LRRC4C: variants seen among roughly 807,000 people sequenced by gnomAD.
LRRC4C encodes the protein leucine-rich repeat-containing protein 4C.
LRRC4C carries 5 observed loss-of-function variants against 33.6 expected under a neutral mutation model. The observed-to-expected ratio is 0.15, with a 90% CI of 0.08 to 0.31. The LOEUF is 0.31. LRRC4C is among the 10% of genes least tolerant of loss of function. The probability of loss-of-function intolerance (pLI) is 1.00; values close to 1 mark genes in which losing one functional copy is unlikely to be tolerated. For synonymous variants in LRRC4C, 329 were observed against 302.0 expected (o/e 1.09, Z -0.93); for missense variants, 560 against 796.7 (o/e 0.70, Z 3.58).
At chr11:41,225,061 G>A (rs1947469244) in intron 1 of LRRC4C, among the ~76,000 whole-genome samples, 1 of 152,080 alleles carries the variant, frequency 6.6e-6, no homozygotes, top group African/African-American at 2.4e-5. Flanking sequence ...ATTTATCTGT[G>A]GGATCTACAA....
chr11:40,705,722 C>T (rs190841884), intron 2 of LRRC4C, among the ~76,000 whole-genome samples: 77 of 152,024 alleles, frequency 5.1e-4, no homozygotes, highest in Non-Finnish European at 9.1e-4. Context: ...GTATATACCA[C>T]GTAATGGGAT....
chr11:40,116,387 G>T (rs1855435252), intron 6 of LRRC4C, 53 bp from the exon 7 acceptor site: 5 of 1,491,698 alleles, frequency 3.4e-6, no homozygotes, highest in Non-Finnish European at 4.5e-6. Flanking sequence ...TATTCTAAGT[G>T]TCTTTCTGGA....
intron 1 of LRRC4C, among the ~76,000 whole-genome samples, chr11:41,209,317 C>A (rs977176049): frequency 6.6e-6 from 1 of 151,138 alleles, no homozygotes; most frequent in Non-Finnish European, 1.5e-5. Context: ...TTGTTTGGGA[C>A]CTGCCACCCT....
intron 3 of LRRC4C, among the ~76,000 whole-genome samples, chr11:40,341,294 G>A (rs538667274): frequency 5.5e-4 from 84 of 152,226 alleles, no homozygotes; most frequent in African/African-American, 2.0e-3. Context: ...TGCTGTATAT[G>A]TGCCACATTT....
chr11:40,684,684 C>T (rs1028533464), intron 2 of LRRC4C, among the ~76,000 whole-genome samples: 6 of 150,466 alleles, frequency 4.0e-5, no homozygotes, highest in Non-Finnish European at 8.9e-5. Context: ...TGCAATTTAC[C>T]AAATAAATAC....
intron 2 of LRRC4C, among the ~76,000 whole-genome samples, chr11:40,903,474 A>C (rs2136207072): frequency 6.6e-6 from 1 of 152,336 alleles, no homozygotes; most frequent in African/African-American, 2.4e-5. Context: ...TTGTTAATTA[A>C]GAAATACATT....
rs1488044079 is a variant in LRRC4C at position 40,778,879 on chromosome 11, G to A, written c.-406-130601C>T. The stretch of plus-strand genomic sequence containing the variant: ...GAAAGGGGTAGGGAATGAGATTGGA[G>A]ACTGAAGGAAAAAAGTAGATCCCAT... On this transcript the variant is annotated intron_variant, in intron 2 of 6. Transcript: ENST00000528697. Among the ~76,000 whole-genome samples the A allele has an allele frequency of 2.0e-5, 3 of 152,142 alleles. No homozygotes were observed. In the East Asian group the frequency reaches 5.8e-4, roughly 29 times the overall value.
At chr11:40,606,575 A>G (rs1436913209) in intron 3 of LRRC4C, among the ~76,000 whole-genome samples, 1 of 152,184 alleles carries the variant, frequency 6.6e-6, no homozygotes, top group Non-Finnish European at 1.5e-5. Flanking sequence ...CCTAAAAAAA[A>G]GAGGTATGTA....
At chr11:40,945,605 T>C (rs1461182477) in intron 1 of LRRC4C, among the ~76,000 whole-genome samples, 1 of 152,178 alleles carries the variant, frequency 6.6e-6, no homozygotes, top group Non-Finnish European at 1.5e-5. Flanking sequence ...GCAAATTCGC[T>C]GACAAGTCTT....
chr11:41,238,511 C>T (rs1451913885), intron 1 of LRRC4C, among the ~76,000 whole-genome samples: 1 of 152,144 alleles, frequency 6.6e-6, no homozygotes, highest in African/African-American at 2.4e-5. Flanking sequence ...CTTAGATACA[C>T]AACTATTATA....
chr11:40,801,817 C>T (rs1039280855), intron 2 of LRRC4C, among the ~76,000 whole-genome samples: 1 of 151,930 alleles, frequency 6.6e-6, no homozygotes, highest in African/African-American at 2.4e-5. Flanking sequence ...AATGAAAACT[C>T]CCCAAAGTTA....
chr11:41,302,790 T>A (rs1950322066), intron 1 of LRRC4C, among the ~76,000 whole-genome samples: 1 of 152,230 alleles, frequency 6.6e-6, no homozygotes, highest in East Asian at 1.9e-4. Context: ...AGTCTTACCC[T>A]AAATTCGTGA....
intron 3 of LRRC4C, among the ~76,000 whole-genome samples, chr11:40,601,784 G>A (rs1960020177): frequency 6.6e-6 from 1 of 152,054 alleles, no homozygotes; most frequent in African/African-American, 2.4e-5. Context: ...GTATATATTA[G>A]AATATACCTT....
intron 3 of LRRC4C, among the ~76,000 whole-genome samples, chr11:40,613,300 C>T (rs2172859): frequency 0.43 from 65,607 of 151,712 alleles, 15,264 homozygotes; most frequent in Middle Eastern, 0.57. Flanking sequence ...ACTAAGTTTA[C>T]ATAATATTCT....
intron 4 of LRRC4C, among the ~76,000 whole-genome samples, chr11:40,246,062 C>G (rs1258135877): frequency 1.3e-5 from 2 of 151,284 alleles, no homozygotes; most frequent in African/African-American, 2.4e-5. Flanking sequence ...CAACCTCTGC[C>G]TCCTGGGTTC....
At chr11:40,886,156 A>G (rs1421298551) in intron 2 of LRRC4C, among the ~76,000 whole-genome samples, 3 of 152,074 alleles carry the variant, frequency 2.0e-5, no homozygotes, top group African/African-American at 7.2e-5. Flanking sequence ...TCTAAATTCT[A>G]TCAATTATTT....
chr11:40,740,997 C>T (rs1442646118), intron 2 of LRRC4C, among the ~76,000 whole-genome samples: 3 of 151,882 alleles, frequency 2.0e-5, no homozygotes. Context: ...GTTTCTATGC[C>T]AGTACCATAT....
intron 4 of LRRC4C, chr11:40,292,934 T>G (rs1944293169): frequency 6.6e-6 from 1 of 151,754 alleles, no homozygotes. Flanking sequence ...AAAAAAAGTC[T>G]CCTTTTACAT....
chr11:40,303,660 AT>A (rs201473212), intron 4 of LRRC4C, among the ~76,000 whole-genome samples: 8,129 of 151,950 alleles, frequency 0.053, 299 homozygotes, highest in African/African-American at 0.093. Context: ...CAATTAAAAC[AT>A]TTTTTTTCTT....
Sources: allele counts gnomAD v4.1 joint callset (sites outside exome capture counted in the v4.1 genomes callset), GRCh38; gene constraint gnomAD v4.1.1; transcripts MANE v1.5; gene names NCBI Gene and HGNC (gene_info 2026-07-23, HGNC 2026-07-21).